IRAG1: variants seen among roughly 807,000 people sequenced by gnomAD.
The protein encoded by IRAG1 is inositol 1,4,5-triphosphate receptor associated 1, also known as IP3R-associated cGMP kinase substrate.
Under a neutral mutation model 106.2 loss-of-function variants are expected in IRAG1, and 62 were observed. The observed-to-expected ratio is 0.58, with a 90% CI of 0.48 to 0.72. The LOEUF is 0.72. Ranked by LOEUF, IRAG1 falls within the 30% of genes least tolerant of loss-of-function variation. The probability of loss-of-function intolerance (pLI) is 0.00; values close to 1 mark genes in which losing one functional copy is unlikely to be tolerated. For missense variants in IRAG1, 1,064 were observed against 1,140.7 expected, an observed-to-expected ratio of 0.93 and a Z score of 0.97; for synonymous variants, 462 against 443.9, an observed-to-expected ratio of 1.04 and a Z score of -0.51.
rs1179018657 is a variant in IRAG1, at chr11:10,628,017, C to T, written c.661G>A (p.Val221Met). Residue 221 changes from valine (V) to methionine (M), a missense_variant, in exon 7 of 21, where the codon GTG becomes ATG. Transcript: ENST00000423302. The surrounding 1 kb of genome is among the most constrained non-coding windows in gnomAD (Gnocchi z 4.1). ...AGAGGGGATGGCGGGCCACTGCACA[C>T]ATCCAAACCTGGAAGGGTCCAGACA... Reference protein sequence around the residue: ...LTVPTPPGLDVCSGPPSPLPG... With the variant: ...LTVPTPPGLDMCSGPPSPLPG... 3.1e-6 allele frequency: 5 copies of T among 1,613,504 alleles called. No individual in the cohort carries two copies. The highest frequency in any genetic ancestry group is 2.2e-5 in the East Asian group (1 of 44,896).
In IRAG1 at chr11:10,591,586, G is replaced by A. The variant is rs1381235887; in HGVS notation, c.2202C>T (p.Ser734=). ...CAGGCAGTGCTGAAGTGACAGGTAG[G>A]CTGCCTTTCCCATTGGGTGATTCCG... The part of the protein sequence containing the change: ...ALSESPNGKG[S]LPVTSALPAL... Residue 734 remains serine (S), a synonymous_variant, in exon 18 of 21, where the codon AGC becomes AGT. Transcript: ENST00000423302. 1.3e-6 allele frequency: 2 copies of A among 1,597,942 alleles called. No homozygotes were observed. The highest frequency in any genetic ancestry group is 1.7e-6 in the Non-Finnish European group (2 of 1,172,216).
At position 10,665,612 on chromosome 11, in the gene IRAG1, G is replaced by A. The variant is rs1025541681; in HGVS notation, c.68-13430C>T. 2.0e-5 allele frequency among the ~76,000 whole-genome samples: 3 copies of A among 152,150 alleles called. No individual in the cohort carries two copies. The highest frequency in any genetic ancestry group is 4.4e-5 in the Non-Finnish European group (3 of 68,032). ...CCCCAGAAGAGCAGACCCCAAGACC[G>A]GGACAATGATTGGCTGTGTGAACAG... On this transcript the variant is annotated intron_variant, in intron 1 of 20. Transcript: ENST00000423302. This position sits in a 1 kb window ranked among gnomAD's most constrained non-coding sequence, Gnocchi z 4.2.
chr11:10,656,922 G>C (rs1858969373), intron 1 of IRAG1, among the ~76,000 whole-genome samples: 1 of 152,150 alleles, frequency 6.6e-6, no homozygotes, highest in Admixed American at 6.5e-5. Context: ...GTGAGGCTAA[G>C]GATGGTGGGA....
intron 1 of IRAG1, among the ~76,000 whole-genome samples, chr11:10,680,528 G>GAAGA (rs1474518285): frequency 0.017 from 2,262 of 136,514 alleles, 54 homozygotes; most frequent in African/African-American, 0.063. Flanking sequence ...AGGAAGAAAG[G>GAAGA]AAGGAAGGAA....
intron 1 of IRAG1, among the ~76,000 whole-genome samples, chr11:10,676,837 CCAAGCT>C (rs1462304166): frequency 6.6e-6 from 1 of 152,212 alleles, no homozygotes; most frequent in African/African-American, 2.4e-5. Flanking sequence ...CTGGCAAATG[CCAAGCT>C]CAATATGTTT....
intron 1 of IRAG1, among the ~76,000 whole-genome samples, chr11:10,677,638 T>C (rs1460125954): frequency 6.6e-6 from 1 of 152,210 alleles, no homozygotes; most frequent in Non-Finnish European, 1.5e-5. Flanking sequence ...TGACATATGA[T>C]GTATCATTTT....
intron 10 of IRAG1, among the ~76,000 whole-genome samples, chr11:10,622,328 G>C (rs1169908483): frequency 6.6e-6 from 1 of 152,126 alleles, no homozygotes; most frequent in African/African-American, 2.4e-5. Flanking sequence ...GCTAGAGGGT[G>C]AGTGGCCACA....
At chr11:10,593,137 C>A (rs571369642) in intron 17 of IRAG1, 1 of 161,520 alleles carries the variant, frequency 6.2e-6, no homozygotes, top group East Asian at 1.8e-4. Flanking sequence ...GGGTTCAAAG[C>A]TGTTCTACCA....
chr11:10,626,611 C>T (rs771059464), intron 8 of IRAG1, 28 bp from the exon 9 acceptor site: 20 of 1,561,086 alleles, frequency 1.3e-5, no homozygotes, highest in Non-Finnish European at 1.7e-5. Context: ...GAGCTGGAAC[C>T]CTCGGGGGCA....
intron 17 of IRAG1, 27 bp downstream of exon 17, chr11:10,593,465 C>G (rs1852909785): frequency 6.3e-7 from 1 of 1,586,814 alleles, no homozygotes; most frequent in Non-Finnish European, 8.7e-7. Flanking sequence ...CTATTCTGTG[C>G]TGGGAGGCAG....
chr11:10,585,530 T>TA (rs1226647085), intron 18 of IRAG1, among the ~76,000 whole-genome samples: 2 of 151,776 alleles, frequency 1.3e-5, no homozygotes, highest in Admixed American at 6.5e-5. Flanking sequence ...CAGAGAACAG[T>TA]AATACCTTCT....
rs1265225527 is a variant in IRAG1 at position 10,658,892 on chromosome 11, T to TACCCCATGTCTGTGCTGTGCTC, written c.68-6732_68-6711dup. Among the ~76,000 whole-genome samples, 1,264 of 147,320 alleles carry TACCCCATGTCTGTGCTGTGCTC rather than the reference T, an allele frequency of 8.6e-3. 25 individuals carry two copies. Among genetic ancestry groups the TACCCCATGTCTGTGCTGTGCTC allele is most frequent in the African/African-American group, 0.029 (1,144 of 38,818 alleles). On this transcript the variant is annotated intron_variant, in intron 1 of 20. Transcript: ENST00000423302. The stretch of plus-strand genomic sequence containing the variant: ...CTCAGTCCTAGGTCTGTGCTGTGGT[T>TACCCCATGTCTGTGCTGTGCTC]ACCCCATGTCTGTGCTGTGCTCACC...
At chr11:10,668,325 G>A (rs1409287045) in intron 1 of IRAG1, among the ~76,000 whole-genome samples, 2 of 152,220 alleles carry the variant, frequency 1.3e-5, no homozygotes, top group Non-Finnish European at 1.5e-5. Flanking sequence ...TGAAAAGTAT[G>A]TAAATGTATG....
intron 18 of IRAG1, among the ~76,000 whole-genome samples, chr11:10,591,224 T>C (rs559612758): frequency 1.3e-5 from 2 of 152,332 alleles, no homozygotes; most frequent in South Asian, 4.1e-4. Context: ...GGAGCAGCTC[T>C]ACCTCTGGAC....
chr11:10,577,918 G>A (rs1040588940), intron 20 of IRAG1, among the ~76,000 whole-genome samples: 4 of 152,330 alleles, frequency 2.6e-5, no homozygotes, highest in African/African-American at 9.6e-5. Flanking sequence ...TGTTGGGAAG[G>A]CAGGGTTTAG....
At chr11:10,674,999 C>T (rs752073418) in intron 1 of IRAG1, among the ~76,000 whole-genome samples, 1 of 152,188 alleles carries the variant, frequency 6.6e-6, no homozygotes, top group Non-Finnish European at 1.5e-5. Context: ...CACTGGCACA[C>T]GAATAGGAAA....
At chr11:10,582,667 A>AG (rs947235887) in intron 18 of IRAG1, among the ~76,000 whole-genome samples, 1 of 152,194 alleles carries the variant, frequency 6.6e-6, no homozygotes, top group African/African-American at 2.4e-5. Flanking sequence ...TTAATAGCAG[A>AG]GGAGAGGGTT....
At chr11:10,623,688 G>T in intron 10 of IRAG1, 90 bp downstream of exon 10, 2 of 1,184,214 alleles carry the variant, frequency 1.7e-6, no homozygotes, top group Non-Finnish European at 2.5e-6. Flanking sequence ...GGAAGACACA[G>T]GAAGTCTTGT....
Position 10,581,890 on chromosome 11 carries a change from C to T in IRAG1, c.2337G>A (p.Met779Ile). ...ACCCCTTGCTGTAGGCTTCTTCCTCCATCCTGGCCTTGGTCTCCTGACTAA... is the reference window on the plus strand; with the variant it reads ...ACCCCTTGCTGTAGGCTTCTTCCTCTATCCTGGCCTTGGTCTCCTGACTAA... The part of the protein sequence containing the change: ...EELSQETKAR[M>I]EEEAYSKGFQ... The change falls in exon 19 of 21, where the codon ATG becomes ATA. Residue 779 changes from methionine to isoleucine, a missense_variant. Met to Ile is a conservative substitution (Grantham distance 10). Coordinates refer to ENST00000423302, the MANE Select transcript of IRAG1 (RefSeq NM_130385.4). 2.5e-6 allele frequency: 4 copies of T among 1,613,862 alleles called. No homozygotes were observed. Among genetic ancestry groups the T allele is most frequent in the Non-Finnish European group, 3.4e-6 (4 of 1,179,780 alleles).
Sources: allele counts gnomAD v4.1 joint callset (sites outside exome capture counted in the v4.1 genomes callset), GRCh38; gene constraint gnomAD v4.1.1; non-coding constraint Gnocchi (gnomAD v3.1); transcripts MANE v1.5; gene names NCBI Gene and HGNC (gene_info 2026-07-23, HGNC 2026-07-21).